PPM1H: variants seen among roughly 807,000 people sequenced by gnomAD.
The protein encoded by PPM1H is protein phosphatase 1H.
A neutral mutation model predicts 54.9 loss-of-function variants in PPM1H; 27 were observed. The observed-to-expected ratio is 0.49, with a 90% CI of 0.36 to 0.68. The LOEUF (loss-of-function observed/expected upper bound fraction) is 0.68. Ranked by LOEUF, PPM1H falls within the 30% of genes least tolerant of loss-of-function variation. PPM1H has a pLI of 0.00. For missense variants in PPM1H, 596 were observed against 667.8 expected (o/e 0.89, Z 1.19); for synonymous variants, 305 against 270.8 (o/e 1.13, Z -1.24).
At chr12:62,770,759 G>T (rs1382483087) in intron 4 of PPM1H, among the ~76,000 whole-genome samples, 2 of 152,178 alleles carry the variant, frequency 1.3e-5, no homozygotes, top group Non-Finnish European at 2.9e-5. Flanking sequence ...AGATGAATCA[G>T]TGTGAAAATG....
chr12:62,835,210 C>A (rs756797809), intron 1 of PPM1H, among the ~76,000 whole-genome samples: 1 of 152,214 alleles, frequency 6.6e-6, no homozygotes, highest in African/African-American at 2.4e-5. Flanking sequence ...ACATAAATCA[C>A]GAATCCCTGT....
At chr12:62,883,131 G>C (rs1870455778) in intron 1 of PPM1H, among the ~76,000 whole-genome samples, 1 of 152,178 alleles carries the variant, frequency 6.6e-6, no homozygotes, top group Non-Finnish European at 1.5e-5. Flanking sequence ...TGGTATTACA[G>C]AAGAAAGGAG....
intron 4 of PPM1H, among the ~76,000 whole-genome samples, chr12:62,770,230 T>C (rs1201045206): frequency 6.6e-6 from 1 of 152,214 alleles, no homozygotes; most frequent in Non-Finnish European, 1.5e-5. Flanking sequence ...CCAGGAACTG[T>C]GCTTAACATT....
intron 4 of PPM1H, chr12:62,756,029 C>A: frequency 1.4e-6 from 2 of 1,410,230 alleles, no homozygotes; most frequent in Admixed American, 1.7e-5. Flanking sequence ...GCGTCCGAGA[C>A]CCCCTCAAGG....
chr12:62,676,466 C>T (rs2075986986), intron 8 of PPM1H, among the ~76,000 whole-genome samples: 1 of 152,176 alleles, frequency 6.6e-6, no homozygotes, highest in Non-Finnish European at 1.5e-5. Context: ...TGCAGCCACC[C>T]AACCATGGCT....
chr12:62,752,887 A>G (rs969756702), intron 4 of PPM1H, among the ~76,000 whole-genome samples: 1 of 152,198 alleles, frequency 6.6e-6, no homozygotes, highest in Non-Finnish European at 1.5e-5. Context: ...AAGGACGATG[A>G]TGCTATTAAC....
intron 1 of PPM1H, among the ~76,000 whole-genome samples, chr12:62,877,484 G>C (rs1870216936): frequency 6.6e-6 from 1 of 152,114 alleles, no homozygotes; most frequent in African/African-American, 2.4e-5. Context: ...GGTACCACGC[G>C]ATACGGTAAT....
Position 62,894,026 on chromosome 12 carries a change from C to T in PPM1H, c.245+40466G>A, listed in dbSNP as rs757763291. On this transcript the variant is annotated intron_variant, in intron 1 of 9. Transcript: ENST00000228705. The stretch of plus-strand genomic sequence containing the variant: ...TACAGCTTCACACTAGCTAGACGTG[C>T]GAATAAAGCCCCCTTGGATGGTCCA... Among the ~76,000 whole-genome samples the T allele has an allele frequency of 3.9e-5, 6 of 152,040 alleles. No homozygotes were observed. In the South Asian group the frequency reaches 1.0e-3, roughly 26 times the overall value.
At chr12:62,714,273 T>C (rs776310347) in intron 6 of PPM1H, among the ~76,000 whole-genome samples, 20 of 152,208 alleles carry the variant, frequency 1.3e-4, no homozygotes, top group Non-Finnish European at 2.5e-4. Context: ...GGCTAGTGGC[T>C]ACTGTGCTCG....
chr12:62,868,698 G>C (rs1869870278), intron 1 of PPM1H, among the ~76,000 whole-genome samples: 1 of 152,188 alleles, frequency 6.6e-6, no homozygotes, highest in East Asian at 1.9e-4. Flanking sequence ...TTGAGATACG[G>C]AAGTGCCAAT....
intron 3 of PPM1H, among the ~76,000 whole-genome samples, chr12:62,795,315 T>C (rs910127175): frequency 6.6e-6 from 1 of 152,164 alleles, no homozygotes; most frequent in African/African-American, 2.4e-5. Flanking sequence ...TTTTTAACAG[T>C]GTATCCCTTT....
At chr12:62,668,502 A>G (rs1054577753) in intron 8 of PPM1H, among the ~76,000 whole-genome samples, 2 of 152,258 alleles carry the variant, frequency 1.3e-5, no homozygotes, top group Admixed American at 1.3e-4. Context: ...CAGCCTCCCA[A>G]GTAGCTGGGA....
intron 5 of PPM1H, among the ~76,000 whole-genome samples, chr12:62,734,394 C>T (rs967542562): frequency 1.3e-5 from 2 of 152,190 alleles, no homozygotes; most frequent in African/African-American, 2.4e-5. Flanking sequence ...TACTTTCTGT[C>T]ACAAAACAGT....
chr12:62,857,497 T>C (rs1869433819), intron 1 of PPM1H, among the ~76,000 whole-genome samples: 1 of 152,174 alleles, frequency 6.6e-6, no homozygotes. Context: ...ATAGGTAAGA[T>C]TATAAATCAC....
chr12:62,844,495 TA>T lies in PPM1H; in HGVS notation c.246-12217del, dbSNP rs1304465131. Among the ~76,000 whole-genome samples the T allele has an allele frequency of 6.6e-6, 1 of 152,260 alleles. No homozygotes were observed. Among genetic ancestry groups the T allele is most frequent in the African/African-American group, 2.4e-5 (1 of 41,474 alleles). On this transcript the variant is annotated intron_variant, in intron 1 of 9. Transcript: ENST00000228705. This position sits in a 1 kb window ranked among gnomAD's most constrained non-coding sequence, Gnocchi z 5.2. The stretch of plus-strand genomic sequence containing the variant: ...GCCACATTCCCCTCAAGGCTCAAGA[TA>T]ACTTAAAGTTCCAACAGCTTTAAGT...
At chr12:62,670,618 T>A (rs1255346213) in intron 8 of PPM1H, among the ~76,000 whole-genome samples, 2 of 152,152 alleles carry the variant, frequency 1.3e-5, no homozygotes, top group East Asian at 3.9e-4. Context: ...ACAGAATGGG[T>A]GTGGGTTGAT....
In PPM1H at chr12:62,865,748, T is replaced by C. The variant is rs142723067; in HGVS notation, c.246-33469A>G. ...CTGGGATCAAATGATCCACCTGCCTTGGCCTCCCACAGTGCTGGGATTACA... is the reference window on the plus strand; with the variant it reads ...CTGGGATCAAATGATCCACCTGCCTCGGCCTCCCACAGTGCTGGGATTACA... On this transcript the variant is annotated intron_variant, in intron 1 of 9. Transcript: ENST00000228705. 5.2e-3 allele frequency among the ~76,000 whole-genome samples: 786 copies of C among 152,236 alleles called. 7 individuals carry two copies. The highest frequency in any genetic ancestry group is 0.032 in the South Asian group (156 of 4,814).
chr12:62,699,868 T>C (rs163204), intron 6 of PPM1H, among the ~76,000 whole-genome samples: 8,680 of 152,226 alleles, frequency 0.057, 851 homozygotes, highest in African/African-American at 0.2. Flanking sequence ...AAGAACAGAT[T>C]ACTAATTGAG....
chr12:62,871,212 A>T (rs1398855522), intron 1 of PPM1H, among the ~76,000 whole-genome samples: 1 of 151,662 alleles, frequency 6.6e-6, no homozygotes, highest in Non-Finnish European at 1.5e-5. Flanking sequence ...ATTCAGCCAT[A>T]AAAAGGAAGT....
Sources: allele counts gnomAD v4.1 joint callset (sites outside exome capture counted in the v4.1 genomes callset), GRCh38; gene constraint gnomAD v4.1.1; non-coding constraint Gnocchi (gnomAD v3.1); transcripts MANE v1.5; gene names NCBI Gene and HGNC (gene_info 2026-07-23, HGNC 2026-07-21).